Variants in PLEKHG1 observed in about 807,000 individuals in gnomAD.
The protein encoded by PLEKHG1 is pleckstrin homology and RhoGEF domain containing G1, also known as pleckstrin homology domain-containing family G member 1.
In PLEKHG1, 44 loss-of-function variants were observed where a neutral mutation model predicts 100.8. That is an observed-to-expected ratio of 0.44 (90% CI 0.34 to 0.56). PLEKHG1 has a LOEUF of 0.56. Among genes scored for constraint, PLEKHG1 ranks in the 20% least tolerant of loss-of-function variants. The probability of loss-of-function intolerance (pLI) is 0.01; values close to 1 mark genes in which losing one functional copy is unlikely to be tolerated. For synonymous variants in PLEKHG1, 640 were observed against 662.5 expected (o/e 0.97, Z 0.52); for missense variants, 1,545 against 1,720.9 (o/e 0.90, Z 1.81).
upstream of PLEKHG1, among the ~76,000 whole-genome samples, chr6:150,718,269 CCT>C (rs1243400239): frequency 6.6e-6 from 1 of 152,064 alleles, no homozygotes; most frequent in Non-Finnish European, 1.5e-5. Flanking sequence ...CAGCAGCGCA[CCT>C]CCAAGAAATG....
chr6:150,831,346 A>C lies in PLEKHG1; in HGVS notation c.2235A>C (p.Ile745=). The stretch of plus-strand genomic sequence containing the variant: ...TTGAGGAGAACATCTATGACACCAT[A>C]GGGCTCCCAGATCCTCCGTCGCTGG... The change falls in exon 15 of 16, where the codon ATA becomes ATC. Residue 745 remains isoleucine, a synonymous_variant. Coordinates refer to ENST00000358517, the Ensembl canonical transcript of PLEKHG1. The surrounding 1 kb of genome is among the most constrained non-coding windows in gnomAD (Gnocchi z 4.1). The C allele has an allele frequency of 6.2e-7, 1 of 1,614,074 alleles. No individual in the cohort carries two copies. Among genetic ancestry groups the C allele is most frequent in the Non-Finnish European group, 8.5e-7 (1 of 1,180,006 alleles).
intron 1 of PLEKHG1, among the ~76,000 whole-genome samples, chr6:150,723,897 G>C (rs565287618): frequency 6.6e-6 from 1 of 152,212 alleles, no homozygotes; most frequent in Non-Finnish European, 1.5e-5. Context: ...ACATGACAGG[G>C]CTGGGGTCAT....
Position 150,838,290 on chromosome 6 carries a change from C to T in PLEKHG1, c.3095-1543C>T, listed in dbSNP as rs57436740. Among the ~76,000 whole-genome samples, 787 of 152,308 alleles carry T rather than the reference C, an allele frequency of 5.2e-3. 3 individuals carry two copies. The highest frequency in any genetic ancestry group is 0.018 in the East Asian group (92 of 5,188). On this transcript the variant is annotated intron_variant, in intron 15 of 15. Transcript: ENST00000358517. The stretch of plus-strand genomic sequence containing the variant: ...TATGGTCTGAGCAAGTTATAGGATG[C>T]GTTAGAGGAACCTTGTCCAACCTAT...
At chr6:150,738,986 A>G (rs973048521) in intron 2 of PLEKHG1, among the ~76,000 whole-genome samples, 2 of 152,184 alleles carry the variant, frequency 1.3e-5, no homozygotes, top group Non-Finnish European at 2.9e-5. Flanking sequence ...TTAATGTTTA[A>G]TGGGACCTTC....
intron 3 of PLEKHG1, among the ~76,000 whole-genome samples, chr6:150,778,301 T>A (rs1346837608): frequency 6.6e-6 from 1 of 152,206 alleles, no homozygotes; most frequent in Non-Finnish European, 1.5e-5. Context: ...CTAATTTTTG[T>A]ATTTTTAGTA....
chr6:150,705,492 C>G (rs1780967824), intron 3 of PLEKHG1, among the ~76,000 whole-genome samples: 1 of 152,232 alleles, frequency 6.6e-6, no homozygotes, highest in South Asian at 2.1e-4. Context: ...TCTCCAGCCA[C>G]CACTGCCCAC....
intron 10 of PLEKHG1, among the ~76,000 whole-genome samples, chr6:150,813,132 C>T (rs1239174116): frequency 2.6e-5 from 4 of 151,836 alleles, no homozygotes; most frequent in Non-Finnish European, 4.4e-5. Flanking sequence ...GGTGAAACCC[C>T]ATCTCTACTA....
chr6:150,652,649 G>A (rs756980467), intron 3 of PLEKHG1, among the ~76,000 whole-genome samples: 1 of 151,646 alleles, frequency 6.6e-6, no homozygotes, highest in South Asian at 2.1e-4. Context: ...GAACCCGGGA[G>A]GCAGAGGTTG....
intron 1 of PLEKHG1, among the ~76,000 whole-genome samples, chr6:150,634,088 C>A (rs9480506): frequency 0.061 from 9,071 of 149,522 alleles, 936 homozygotes; most frequent in African/African-American, 0.21. Context: ...CTAACAACAA[C>A]AAAAAAAAAT....
chr6:150,754,940 G>T (rs957079653), intron 2 of PLEKHG1, among the ~76,000 whole-genome samples: 1 of 152,064 alleles, frequency 6.6e-6, no homozygotes, highest in Non-Finnish European at 1.5e-5. Context: ...AAAGTGCTGA[G>T]ATTACAGGCA....
chr6:150,835,127 G>A (rs1027974241), intron 15 of PLEKHG1, among the ~76,000 whole-genome samples: 1 of 152,074 alleles, frequency 6.6e-6, no homozygotes, highest in Admixed American at 6.6e-5. Flanking sequence ...TCTCTAGCCG[G>A]GGTCTCCAGG....
intron 2 of PLEKHG1, among the ~76,000 whole-genome samples, chr6:150,648,481 G>C (rs1384833717): frequency 6.6e-6 from 1 of 152,080 alleles, no homozygotes; most frequent in African/African-American, 2.4e-5. Context: ...ATAAGAATAA[G>C]TGTTGATCTT....
intron 13 of PLEKHG1, among the ~76,000 whole-genome samples, chr6:150,823,429 A>C (rs957281610): frequency 1.3e-5 from 2 of 152,188 alleles, no homozygotes; most frequent in African/African-American, 2.4e-5. Flanking sequence ...GGATTAAGGA[A>C]GACAACTAGT....
chr6:150,703,150 A>G (rs879461998), intron 3 of PLEKHG1, among the ~76,000 whole-genome samples: 4 of 150,332 alleles, frequency 2.7e-5, no homozygotes, highest in Non-Finnish European at 4.4e-5. Context: ...TAGCCTCATA[A>G]TAAAGAAAAT....
intron 9 of PLEKHG1, 42 bp from the exon 11 acceptor site, chr6:150,809,606 G>T (rs1787366835): frequency 2.6e-6 from 4 of 1,567,120 alleles, no homozygotes; most frequent in Middle Eastern, 1.7e-4. Flanking sequence ...CCTGTGGGTG[G>T]TGGAATCAAG....
intron 1 of PLEKHG1, among the ~76,000 whole-genome samples, chr6:150,602,210 G>A (rs1048007467): frequency 6.6e-6 from 1 of 152,202 alleles, no homozygotes; most frequent in Middle Eastern, 3.4e-3. Context: ...TCTTAATGGC[G>A]GCCGTTCACT....
At chr6:150,822,106 G>C (rs1177712381) in intron 13 of PLEKHG1, among the ~76,000 whole-genome samples, 1 of 134,432 alleles carries the variant, frequency 7.4e-6, no homozygotes, top group Non-Finnish European at 1.5e-5. Flanking sequence ...CTCCCAAAGT[G>C]CTGGGATTAC....
At position 150,675,499 on chromosome 6, in the gene PLEKHG1, T is replaced by A. The variant is rs141255311; in HGVS notation, c.-99+24713T>A. Among the ~76,000 whole-genome samples the A allele has an allele frequency of 9.2e-5, 14 of 152,382 alleles. No individual in the cohort carries two copies. The East Asian group carries it at 1.9e-3, about 21-fold the overall frequency. ...AAGGGAGATCCTCCCTACAACCTTATCTTTCAGTTATATTTGGAGGGTCTT... is the reference window on the plus strand; with the variant it reads ...AAGGGAGATCCTCCCTACAACCTTAACTTTCAGTTATATTTGGAGGGTCTT... On this transcript the variant is annotated intron_variant, in intron 3 of 3. Coordinates refer to the PLEKHG1 transcript ENST00000367326.
At chr6:150,709,941 A>G (rs1781183923) in intron 3 of PLEKHG1, among the ~76,000 whole-genome samples, 1 of 149,248 alleles carries the variant, frequency 6.7e-6, no homozygotes. Context: ...ACATGCCACT[A>G]CACCCAGCTA....
Sources: gnomAD v4.1 joint callset for allele counts (sites outside exome capture counted in the v4.1 genomes callset) on GRCh38, gnomAD v4.1.1 for gene constraint, Gnocchi (gnomAD v3.1) non-coding constraint, MANE v1.5 for transcripts, NCBI Gene and HGNC (gene_info 2026-07-23, HGNC 2026-07-21) for gene names.